THRAP3: variants seen among roughly 807,000 people sequenced by gnomAD.
THRAP3 encodes the protein thyroid hormone receptor associated protein 3.
A neutral mutation model predicts 101.0 loss-of-function variants in THRAP3; 16 were observed. That is an observed-to-expected ratio of 0.16 (90% CI 0.11 to 0.24). The LOEUF is 0.24. Among genes scored for constraint, THRAP3 ranks in the 10% least tolerant of loss-of-function variants. The pLI, the probability that THRAP3 is intolerant of heterozygous loss-of-function variation, is 1.00. For missense variants in THRAP3, 989 were observed against 1,202.7 expected, an observed-to-expected ratio of 0.82 and a Z score of 2.63; for synonymous variants, 407 against 422.6, an observed-to-expected ratio of 0.96 and a Z score of 0.45.
At chr1:36,253,396 A>G (rs1260717416) in intron 1 of THRAP3, among the ~76,000 whole-genome samples, 12 of 152,218 alleles carry the variant, frequency 7.9e-5, no homozygotes, top group Admixed American at 7.2e-4. Context: ...GGTTGGAAAT[A>G]TGCTGGAACT....
intron 1 of THRAP3, among the ~76,000 whole-genome samples, chr1:36,258,461 A>G (rs1455569674): frequency 1.3e-5 from 2 of 152,180 alleles, no homozygotes; most frequent in African/African-American, 4.8e-5. Flanking sequence ...TGGATAAAAC[A>G]GTATTATCCT....
At chr1:36,283,632 TGAG>T (rs1645760724) in intron 3 of THRAP3, among the ~76,000 whole-genome samples, 1 of 50,222 alleles carries the variant, frequency 2.0e-5, no homozygotes, top group Non-Finnish European at 4.9e-5. Context: ...TTATTTCAGA[TGAG>T]TATCTAGAAT....
At chr1:36,293,660 G>C (rs989729133) in intron 7 of THRAP3, among the ~76,000 whole-genome samples, 191 bp from the exon 8 acceptor site, 36 of 151,582 alleles carry the variant, frequency 2.4e-4, no homozygotes, top group African/African-American at 8.7e-4. Flanking sequence ...GTGTGTGTGT[G>C]TGTGTGTGTG....
At chr1:36,229,160 C>T (rs954782626) in intron 1 of THRAP3, among the ~76,000 whole-genome samples, 2 of 152,118 alleles carry the variant, frequency 1.3e-5, no homozygotes, top group South Asian at 2.1e-4. Flanking sequence ...TGCAATGGTG[C>T]GATCTTGGCT....
chr1:36,283,993 C>T (rs1449848707), intron 3 of THRAP3, among the ~76,000 whole-genome samples: 1 of 152,168 alleles, frequency 6.6e-6, no homozygotes, highest in Non-Finnish European at 1.5e-5. Flanking sequence ...CTCTTAGTAA[C>T]TCCTACCCTG....
the THRAP3 span, among the ~76,000 whole-genome samples, chr1:36,208,895 G>C: frequency 2.0e-5 from 3 of 149,978 alleles, no homozygotes; most frequent in Non-Finnish European, 4.4e-5. Context: ...TTGAACTCCT[G>C]AGTGCAAGTG....
chr1:36,293,028 C>CTTTTTTTGTTTTTTTTTTTTTT (rs1645896961), intron 7 of THRAP3, among the ~76,000 whole-genome samples: 1 of 82,798 alleles, frequency 1.2e-5, no homozygotes, highest in Non-Finnish European at 2.2e-5. Context: ...CTTTTCTTGT[C>CTTTTTTTGTTTTTTTTTTTTTT]TTTTTTTTTT....
At chr1:36,292,252 G>GTTTGTTTTTTTT (rs1557453511) in intron 6 of THRAP3, among the ~76,000 whole-genome samples, 1 of 57,502 alleles carries the variant, frequency 1.7e-5, no homozygotes, top group Non-Finnish European at 3.3e-5. Context: ...AACATAATGT[G>GTTTGTTTTTTTT]TTTCTTTGTT....
chr1:36,280,659 C>G (rs1222982067), intron 2 of THRAP3, among the ~76,000 whole-genome samples: 6 of 152,194 alleles, frequency 3.9e-5, no homozygotes, highest in African/African-American at 1.4e-4. Context: ...CCTGGTTTGG[C>G]TATTAATTAG....
chr1:36,228,375 G>A (rs1379830676), intron 1 of THRAP3, among the ~76,000 whole-genome samples: 1 of 152,182 alleles, frequency 6.6e-6, no homozygotes, highest in Non-Finnish European at 1.5e-5. Context: ...CCGCCACTAT[G>A]TCCAGCTAAT....
chr1:36,272,436 CA>C (rs756488517), intron 2 of THRAP3, among the ~76,000 whole-genome samples: 3 of 152,130 alleles, frequency 2.0e-5, no homozygotes, highest in Non-Finnish European at 4.4e-5. Flanking sequence ...GAGGCCTTGG[CA>C]GAGTGTTACT....
intron 9 of THRAP3, among the ~76,000 whole-genome samples, chr1:36,299,037 G>T (rs902718439): frequency 6.6e-6 from 1 of 152,090 alleles, no homozygotes; most frequent in Non-Finnish European, 1.5e-5. Context: ...CAAGCAATCT[G>T]CCTGCCTTGG....
intron 1 of THRAP3, among the ~76,000 whole-genome samples, chr1:36,234,501 T>C (rs907091442): frequency 2.6e-5 from 4 of 152,202 alleles, no homozygotes; most frequent in African/African-American, 7.2e-5. Context: ...TTTACTGTTA[T>C]GGTATGTCGT....
rs1553121666 is a variant in THRAP3 at position 36,270,571 on chromosome 1, G to GGT, written c.-32+11087_-32+11088insGT. On this transcript the variant is annotated intron_variant, in intron 2 of 11. Transcript: ENST00000354618. ...TAAAAATACAGTTCTATTTGTTTAGGTTTTTGTTTTTTTTTTTTTTTTTGA... is the reference window on the plus strand; with the variant it reads ...TAAAAATACAGTTCTATTTGTTTAGGGTTTTTTGTTTTTTTTTTTTTTTTTGA... 7.2e-3 allele frequency among the ~76,000 whole-genome samples: 230 copies of GGT among 31,864 alleles called. 27 individuals carry two copies. The highest frequency in any genetic ancestry group is 0.015 in the African/African-American group (215 of 14,170). 20.9% of individuals were successfully genotyped at this position (31,864 alleles called of 152,430 possible).
intron 1 of THRAP3, among the ~76,000 whole-genome samples, chr1:36,229,420 TTTG>T (rs1645000969): frequency 2.2e-5 from 1 of 45,094 alleles, no homozygotes. Flanking sequence ...TTGTTTTTTT[TTTG>T]TTTTTTTTTT....
At chr1:36,294,457 A>C (rs1297639133) in intron 8 of THRAP3, among the ~76,000 whole-genome samples, 1 of 152,184 alleles carries the variant, frequency 6.6e-6, no homozygotes, top group Non-Finnish European at 1.5e-5. Context: ...GCCCAGCTAC[A>C]TTTGCAATGA....
chr1:36,220,649 A>C (rs1173671534), upstream of THRAP3, among the ~76,000 whole-genome samples: 2 of 150,870 alleles, frequency 1.3e-5, no homozygotes, highest in East Asian at 4.0e-4. Context: ...TTGAGACCAG[A>C]ATGGGCAATA....
intron 1 of THRAP3, among the ~76,000 whole-genome samples, chr1:36,238,821 G>C (rs897343630): frequency 8.6e-5 from 13 of 151,968 alleles, no homozygotes; most frequent in African/African-American, 2.9e-4. Flanking sequence ...GGTGACTCCT[G>C]ATCCTGAGAG....
intron 3 of THRAP3, among the ~76,000 whole-genome samples, chr1:36,284,804 G>A (rs1365733421): frequency 2.0e-5 from 3 of 152,194 alleles, no homozygotes; most frequent in African/African-American, 7.2e-5. Flanking sequence ...CTTAGTGCTG[G>A]TGGTGGATCA....
Sources: allele counts gnomAD v4.1 joint callset (sites outside exome capture counted in the v4.1 genomes callset), GRCh38; gene constraint gnomAD v4.1.1; transcripts MANE v1.5; gene names NCBI Gene and HGNC (gene_info 2026-07-23, HGNC 2026-07-21).